GNAQ: variants seen among roughly 807,000 people sequenced by gnomAD.
GNAQ encodes guanine nucleotide-binding protein G(q) subunit alpha.
GNAQ carries 8 observed loss-of-function variants against 43.9 expected under a neutral mutation model. The observed-to-expected ratio is 0.18, with a 90% CI of 0.11 to 0.33. GNAQ has a LOEUF of 0.33. GNAQ is among the 10% of genes least tolerant of loss of function. The pLI is 1.00. For missense variants in GNAQ, 158 were observed against 450.8 expected, an observed-to-expected ratio of 0.35 and a Z score of 5.88; for synonymous variants, 155 against 170.7, an observed-to-expected ratio of 0.91 and a Z score of 0.71.
chr9:77,898,084 T>C (rs1016108894), intron 2 of GNAQ, among the ~76,000 whole-genome samples: 1 of 152,174 alleles, frequency 6.6e-6, no homozygotes, highest in African/African-American at 2.4e-5. Context: ...GTAATATCTG[T>C]AGAAACGATA....
At chr9:77,966,248 A>G (rs1161562390) in intron 1 of GNAQ, among the ~76,000 whole-genome samples, 1 of 152,184 alleles carries the variant, frequency 6.6e-6, no homozygotes. Context: ...CATGGTGGTG[A>G]TGATTTCATA....
intron 1 of GNAQ, among the ~76,000 whole-genome samples, chr9:77,992,404 T>C (rs898876241): frequency 6.6e-6 from 1 of 152,226 alleles, no homozygotes; most frequent in Non-Finnish European, 1.5e-5. Context: ...TAATGCCTTA[T>C]ATGCAGGATT....
intron 3 of GNAQ, among the ~76,000 whole-genome samples, chr9:77,814,831 A>G (rs2118508093): frequency 6.6e-6 from 1 of 152,352 alleles, no homozygotes; most frequent in Middle Eastern, 3.4e-3. Flanking sequence ...TAACTAATGT[A>G]CACAGAAACC....
intron 2 of GNAQ, among the ~76,000 whole-genome samples, chr9:77,886,880 G>C (rs1161872638): frequency 6.6e-6 from 1 of 151,858 alleles, no homozygotes; most frequent in African/African-American, 2.4e-5. Flanking sequence ...GGAGGCTGAG[G>C]CAGGGGGATC....
chr9:77,939,105 A>G (rs774891440), intron 1 of GNAQ, among the ~76,000 whole-genome samples: 7 of 152,188 alleles, frequency 4.6e-5, no homozygotes, highest in Admixed American at 1.3e-4. Context: ...CCCACCTTCC[A>G]GTGTCACTTC....
intron 3 of GNAQ, among the ~76,000 whole-genome samples, chr9:77,797,955 C>T (rs1022514305): frequency 2.0e-5 from 3 of 152,196 alleles, no homozygotes; most frequent in Non-Finnish European, 2.9e-5. Context: ...CTATTCTCTA[C>T]TTGTTTAGTA....
chr9:77,959,644 G>T (rs1161058922), intron 1 of GNAQ, among the ~76,000 whole-genome samples: 2 of 152,134 alleles, frequency 1.3e-5, no homozygotes, highest in African/African-American at 4.8e-5. Context: ...TTCACTCACT[G>T]TTTTATTCCT....
At chr9:77,869,360 T>C (rs892655164) in intron 2 of GNAQ, among the ~76,000 whole-genome samples, 2 of 152,168 alleles carry the variant, frequency 1.3e-5, no homozygotes, top group Admixed American at 6.5e-5. Context: ...GGAGAAAATA[T>C]CAGAAGAATA....
At chr9:77,925,970 T>C (rs542656052) in intron 1 of GNAQ, among the ~76,000 whole-genome samples, 21 of 152,238 alleles carry the variant, frequency 1.4e-4, no homozygotes, top group Non-Finnish European at 2.1e-4. Flanking sequence ...ATGTAAATAG[T>C]TGTCATACTG....
intron 5 of GNAQ, among the ~76,000 whole-genome samples, chr9:77,761,497 TG>T (rs1282397912): frequency 1.3e-5 from 1 of 78,800 alleles, no homozygotes; most frequent in Admixed American, 1.5e-4. Context: ...GGGAGGGAGG[TG>T]GGGAGGTCAG....
chr9:77,837,008 A>C (rs1827398629), intron 2 of GNAQ, among the ~76,000 whole-genome samples: 1 of 152,170 alleles, frequency 6.6e-6, no homozygotes, highest in Non-Finnish European at 1.5e-5. Flanking sequence ...TGTTCTCTAT[A>C]ATCTTGTAGG....
chr9:77,935,351 G>T (rs934769762), intron 1 of GNAQ, among the ~76,000 whole-genome samples: 23 of 152,132 alleles, frequency 1.5e-4, no homozygotes, highest in African/African-American at 5.6e-4. Context: ...ACTCTTGAAA[G>T]TATCATTTCC....
intron 5 of GNAQ, among the ~76,000 whole-genome samples, chr9:77,774,007 T>A (rs562091409): frequency 2.7e-4 from 41 of 151,866 alleles, no homozygotes; most frequent in East Asian, 2.1e-3. Context: ...TTTTTTTTTT[T>A]AAAAAGGAAG....
intron 2 of GNAQ, among the ~76,000 whole-genome samples, chr9:77,874,545 A>T (rs1049988802): frequency 6.6e-6 from 1 of 152,124 alleles, no homozygotes. Flanking sequence ...ATCCTTCCCT[A>T]TGTCCCTCAA....
chr9:77,795,145 T>C (rs1038044368), intron 4 of GNAQ, among the ~76,000 whole-genome samples: 1 of 152,174 alleles, frequency 6.6e-6, no homozygotes, highest in Non-Finnish European at 1.5e-5. Flanking sequence ...TGGGCATTTT[T>C]TTCTTCCCAA....
In GNAQ at chr9:77,733,707, A is replaced by G. The variant is rs367750922; in HGVS notation, c.736-5040T>C. ...TGCTGGGCATGAGCATGCTGCAGAC[A>G]CAGCCCTTGTCCTGGAAGACTGAAG... On this transcript the variant is annotated intron_variant, in intron 5 of 6. Coordinates refer to ENST00000286548, the MANE Select transcript of GNAQ (RefSeq NM_002072.5). Among the ~76,000 whole-genome samples, 68 of 152,330 alleles carry G rather than the reference A, an allele frequency of 4.5e-4. 1 individual carries two copies. Among genetic ancestry groups the G allele is most frequent in the African/African-American group, 1.6e-3 (67 of 41,578 alleles).
rs1825227498 is a variant in GNAQ at position 77,716,382 on chromosome 9, A to G, written c.*4941T>C. 1 of 232,588 alleles carries G rather than the reference A, an allele frequency of 4.3e-6. No homozygotes were observed. Among genetic ancestry groups the G allele is most frequent in the Non-Finnish European group, 8.5e-6 (1 of 117,744 alleles). 14.4% of individuals were successfully genotyped at this position (232,588 alleles called of 1,614,324 possible). On this transcript the variant is annotated 3_prime_UTR_variant, in exon 7 of 7. Coordinates refer to ENST00000286548, the MANE Select transcript of GNAQ (RefSeq NM_002072.5). ...TTCCCATCCCCAAACAATAGACAGT[A>G]CATGCATTTGAATGACATTTTAGGA...
chr9:77,928,799 C>G (rs565798320), intron 1 of GNAQ, among the ~76,000 whole-genome samples: 2 of 152,256 alleles, frequency 1.3e-5, no homozygotes, highest in South Asian at 4.1e-4. Context: ...GTGGGCAGAT[C>G]ACTTGAGGTC....
At chr9:77,914,950 T>C (rs1484773588) in intron 2 of GNAQ, among the ~76,000 whole-genome samples, 2 of 152,134 alleles carry the variant, frequency 1.3e-5, no homozygotes, top group African/African-American at 2.4e-5. Flanking sequence ...CTGTTGTTTA[T>C]TGTCTTTTTA....
Sources: gnomAD v4.1 joint callset for allele counts (sites outside exome capture counted in the v4.1 genomes callset) on GRCh38, gnomAD v4.1.1 for gene constraint, MANE v1.5 for transcripts, NCBI Gene and HGNC (gene_info 2026-07-23, HGNC 2026-07-21) for gene names.